Variants in SRF observed in about 807,000 individuals in gnomAD.
The protein encoded by SRF is serum response factor, also known as c-fos serum response element-binding transcription factor.
SRF carries 7 observed loss-of-function variants against 37.1 expected under a neutral mutation model. The ratio of observed to expected loss-of-function variants is 0.19; its 90% CI spans 0.11 to 0.35. The LOEUF is 0.35. Ranked by LOEUF, SRF falls within the 10% of genes least tolerant of loss-of-function variation. The probability of loss-of-function intolerance (pLI) is 1.00; values close to 1 mark genes in which losing one functional copy is unlikely to be tolerated. For synonymous variants in SRF, 285 were observed against 310.1 expected (o/e 0.92, Z 0.85); for missense variants, 395 against 694.4 (o/e 0.57, Z 4.85).
rs1159649314 is a variant in SRF, at chr6:43,180,422, CAGA to C, written c.*1238_*1240del. 6.6e-6 allele frequency: 1 copy of C among 152,596 alleles called. No homozygotes were observed. Among genetic ancestry groups the C allele is most frequent in the African/African-American group, 2.4e-5 (1 of 41,394 alleles). The allele number at this position is 152,596 out of a possible 1,614,324, so 9.5% of individuals were successfully genotyped here. ...GGGGGTGAGAGGCAGGAATGGGGGT[CAGA>C]AGAAGTGGGAGCAGCTTCTTGGGCT... On this transcript the variant is annotated 3_prime_UTR_variant, in exon 7 of 7. Transcript: ENST00000265354.
chr6:43,174,623 CTG>C (rs1379386228), intron 2 of SRF, among the ~76,000 whole-genome samples: 3 of 152,236 alleles, frequency 2.0e-5, no homozygotes, highest in African/African-American at 7.2e-5. Context: ...GATGCCTGCG[CTG>C]TTACTCCTCC....
In SRF at chr6:43,180,872, T is replaced by A. The variant is rs1772314930; in HGVS notation, c.*1682T>A. 1 of 152,294 alleles carries A rather than the reference T, an allele frequency of 6.6e-6. No individual in the cohort carries two copies. The highest frequency in any genetic ancestry group is 2.4e-5 in the African/African-American group (1 of 41,448). The allele number at this position is 152,294 out of a possible 1,614,324, so 9.4% of individuals were successfully genotyped here. On this transcript the variant is annotated 3_prime_UTR_variant, in exon 7 of 7. Coordinates refer to ENST00000265354, the MANE Select transcript of SRF (RefSeq NM_003131.4). The stretch of plus-strand genomic sequence containing the variant: ...CAAGGGGATGATTTGCCGACATGTT[T>A]GAGAACCCCCTAACCTCTAACCCTC...
intron 4 of SRF, among the ~76,000 whole-genome samples, chr6:43,177,228 G>GGTTTTTTTTTTT (rs1772214430): frequency 6.0e-5 from 7 of 116,810 alleles, no homozygotes; most frequent in African/African-American, 2.7e-4. Context: ...ATCGGAGTCT[G>GGTTTTTTTTTTT]TTTTTTTTTT....
rs1562000587 is a variant in SRF, at chr6:43,176,343, A to C, written c.1043-205A>C. ...AGAAAAGAGAGACAAGGCCCAGGGC[A>C]GGAGGAGGAGGGATGGGCAAGAGTA... On this transcript the variant is annotated intron_variant, in intron 3 of 6. Transcript: ENST00000265354. This position sits in a 1 kb window ranked among gnomAD's most constrained non-coding sequence, Gnocchi z 4.0. Among the ~76,000 whole-genome samples the C allele has an allele frequency of 6.6e-6, 1 of 152,206 alleles. No homozygotes were observed. Among genetic ancestry groups the C allele is most frequent in the Non-Finnish European group, 1.5e-5 (1 of 68,032 alleles).
Position 43,176,045 on chromosome 6 carries a change from A to AC in SRF, c.1042+80dup. The AC allele has an allele frequency of 1.3e-6, 2 of 1,541,500 alleles. No homozygotes were observed. The highest frequency in any genetic ancestry group is 2.4e-5 in the South Asian group (2 of 84,754). ...TGCTAAGAGTGTGTTTAGGGCTGGC[A>AC]CCAAGAGAACCTCTTTCCCTGCTCA... On this transcript the variant is annotated intron_variant, in intron 3 of 6. Coordinates refer to ENST00000265354, the MANE Select transcript of SRF (RefSeq NM_003131.4). The surrounding 1 kb of genome is among the most constrained non-coding windows in gnomAD (Gnocchi z 4.0).
In SRF at chr6:43,179,858, C is replaced by T. The variant is rs951160324; in HGVS notation, c.*668C>T. On this transcript the variant is annotated 3_prime_UTR_variant, in exon 7 of 7. Coordinates refer to ENST00000265354, the MANE Select transcript of SRF (RefSeq NM_003131.4). The surrounding 1 kb of genome is among the most constrained non-coding windows in gnomAD (Gnocchi z 5.3). ...TTCCCTTCTCCCCCTTGTCTTCCCC[C>T]CTCTCCTCCCAGCTGCTTTACTTAA... 3.3e-5 allele frequency: 5 copies of T among 152,766 alleles called. No homozygotes were observed. Among genetic ancestry groups the T allele is most frequent in the Admixed American group, 3.3e-4 (5 of 15,308 alleles). 9.5% of individuals were successfully genotyped at this position (152,766 alleles called of 1,614,324 possible).
intron 2 of SRF, 99 bp downstream of exon 2, chr6:43,174,212 G>C (rs1476853623): frequency 6.8e-7 from 1 of 1,465,438 alleles, no homozygotes; most frequent in African/African-American, 1.4e-5. Context: ...ATGTGGAGTG[G>C]AGCCGGATTA....
At position 43,172,232 on chromosome 6, in the gene SRF, C is replaced by CCCT. The variant is rs1258913675; in HGVS notation, c.513+65_513+66insTCC. ...TTGGGGTGGGGATGTGCAAAGGGAG[C>CCCT]CCGGGAGGACCGCAGAGCCGAGGCG... On this transcript the variant is annotated intron_variant, in intron 1 of 6. Transcript: ENST00000265354. This position sits in a 1 kb window ranked among gnomAD's most constrained non-coding sequence, Gnocchi z 5.7. The CCCT allele has an allele frequency of 6.4e-7, 1 of 1,557,694 alleles. No homozygotes were observed. Among genetic ancestry groups the CCCT allele is most frequent in the African/African-American group, 1.4e-5 (1 of 73,886 alleles).
At chr6:43,175,559 A>C in intron 2 of SRF, 147 bp from the exon 3 acceptor site, 1 of 1,017,158 alleles carries the variant, frequency 9.8e-7, no homozygotes, top group South Asian at 1.5e-5. Context: ...TCAATAACTT[A>C]CCTAAGAGTC....
In SRF at chr6:43,178,226, T is replaced by G. The variant is rs55645451; in HGVS notation, c.1163-68T>G. On this transcript the variant is annotated intron_variant, in intron 4 of 6. Coordinates refer to ENST00000265354, the MANE Select transcript of SRF (RefSeq NM_003131.4). The surrounding 1 kb of genome is among the most constrained non-coding windows in gnomAD (Gnocchi z 4.3). The stretch of plus-strand genomic sequence containing the variant: ...CAAGAGGGCTCTGGGGGCCTGGAAT[T>G]CCTAGGGACGGAATGGGAGTTATCA... 1.4e-6 allele frequency: 2 copies of G among 1,473,412 alleles called. No individual in the cohort carries two copies. The highest frequency in any genetic ancestry group is 4.8e-5 in the East Asian group (2 of 41,240). 91.3% of individuals were successfully genotyped at this position (1,473,412 alleles called of 1,614,324 possible).
chr6:43,172,698 G>A lies in SRF; in HGVS notation c.513+529G>A, dbSNP rs899531060. 6.6e-6 allele frequency among the ~76,000 whole-genome samples: 1 copy of A among 152,170 alleles called. No homozygotes were observed. Among genetic ancestry groups the A allele is most frequent in the Non-Finnish European group, 1.5e-5 (1 of 68,016 alleles). Reference sequence around the variant, plus strand: ...CAGGCAGGGTTAGGGACCAGGTAAGGGAGCGGGGCAGGAGAACTGGTGCTG... The same window carrying A: ...CAGGCAGGGTTAGGGACCAGGTAAGAGAGCGGGGCAGGAGAACTGGTGCTG... On this transcript the variant is annotated intron_variant, in intron 1 of 6. Coordinates refer to ENST00000265354, the MANE Select transcript of SRF (RefSeq NM_003131.4). This position sits in a 1 kb window ranked among gnomAD's most constrained non-coding sequence, Gnocchi z 5.7.
Position 43,176,593 on chromosome 6 carries a change from A to G in SRF, c.1088A>G (p.His363Arg), listed in dbSNP as rs1376721717. ...QQVPVQAIQV[H>R]QAPQQASPSR... Reference sequence around the variant, plus strand: ...GTCCCAGTGCAGGCCATTCAAGTGCACCAGGCCCCACAGCAAGCGTCTCCC... The same window carrying G: ...GTCCCAGTGCAGGCCATTCAAGTGCGCCAGGCCCCACAGCAAGCGTCTCCC... The change falls in exon 4 of 7, where the codon CAC (histidine) becomes CGC (arginine). Residue 363 changes from histidine (H) to arginine (R), a missense_variant. His to Arg is a conservative substitution (Grantham distance 29). Transcript: ENST00000265354. The surrounding 1 kb of genome is among the most constrained non-coding windows in gnomAD (Gnocchi z 4.0). The G allele has an allele frequency of 6.2e-7, 1 of 1,614,066 alleles. No homozygotes were observed. The highest frequency in any genetic ancestry group is 1.3e-5 in the African/African-American group (1 of 74,926).
rs1259381939 is a variant in SRF at position 43,175,936 on chromosome 6, G to A, written c.1011G>A (p.Met337Ile). ...GCCCTGTCTCCTCTGGGGGCCTTAT[G>A]CAGCTGCCTACCAGCTTCACCCTCA... ...GSGPVSSGGLMQLPTSFTLMP... is the reference protein window; with the variant it reads ...GSGPVSSGGLIQLPTSFTLMP... The change falls in exon 3 of 7, where the codon ATG becomes ATA. Residue 337 changes from methionine (M) to isoleucine (I), a missense_variant. Met to Ile is a conservative substitution (Grantham distance 10). Coordinates refer to ENST00000265354, the MANE Select transcript of SRF (RefSeq NM_003131.4). The A allele has an allele frequency of 6.2e-7, 1 of 1,613,758 alleles. No individual in the cohort carries two copies. The highest frequency in any genetic ancestry group is 8.5e-7 in the Non-Finnish European group (1 of 1,179,874).
At position 43,179,358 on chromosome 6, in the gene SRF, T is replaced by A; in HGVS notation, c.*168T>A. ...CTCACTCCAGCCAAAGAAATGGGCCTGCCTGCCTCCACCCGTCCTCCCTCA... is the reference window on the plus strand; with the variant it reads ...CTCACTCCAGCCAAAGAAATGGGCCAGCCTGCCTCCACCCGTCCTCCCTCA... On this transcript the variant is annotated 3_prime_UTR_variant, in exon 7 of 7. Transcript: ENST00000265354. This position sits in a 1 kb window ranked among gnomAD's most constrained non-coding sequence, Gnocchi z 5.3. 1.5e-6 allele frequency: 1 copy of A among 672,394 alleles called. No individual in the cohort carries two copies. Among genetic ancestry groups the A allele is most frequent in the Non-Finnish European group, 2.6e-6 (1 of 388,240 alleles). 41.7% of individuals were successfully genotyped at this position (672,394 alleles called of 1,614,324 possible).
Position 43,172,221 on chromosome 6 carries a change from T to C in SRF, c.513+52T>C. Reference sequence around the variant, plus strand: ...CCGGGGCCCGGTTGGGGTGGGGATGTGCAAAGGGAGCCCGGGAGGACCGCA... The same window carrying C: ...CCGGGGCCCGGTTGGGGTGGGGATGCGCAAAGGGAGCCCGGGAGGACCGCA... On this transcript the variant is annotated intron_variant, in intron 1 of 6. Transcript: ENST00000265354. The surrounding 1 kb of genome is among the most constrained non-coding windows in gnomAD (Gnocchi z 5.7). The C allele has an allele frequency of 6.3e-7, 1 of 1,575,208 alleles. No homozygotes were observed. Among genetic ancestry groups the C allele is most frequent in the Non-Finnish European group, 8.6e-7 (1 of 1,167,426 alleles).
intron 2 of SRF, among the ~76,000 whole-genome samples, chr6:43,174,353 C>A (rs1028569121): frequency 6.6e-6 from 1 of 152,232 alleles, no homozygotes; most frequent in Non-Finnish European, 1.5e-5. Context: ...CCGCCCGCAG[C>A]CCGCCTGCCT....
In SRF at chr6:43,178,190, C is replaced by G; in HGVS notation, c.1163-104C>G. On this transcript the variant is annotated intron_variant, in intron 4 of 6. Coordinates refer to ENST00000265354, the MANE Select transcript of SRF (RefSeq NM_003131.4). This position sits in a 1 kb window ranked among gnomAD's most constrained non-coding sequence, Gnocchi z 4.3. ...GGAATAGTCGTGTCTAGCTTCTGACCTGGGAAATGGCAAGAGGGCTCTGGG... is the reference window on the plus strand; with the variant it reads ...GGAATAGTCGTGTCTAGCTTCTGACGTGGGAAATGGCAAGAGGGCTCTGGG... The G allele has an allele frequency of 8.1e-7, 1 of 1,234,862 alleles. No homozygotes were observed. The highest frequency in any genetic ancestry group is 1.1e-6 in the Non-Finnish European group (1 of 913,536). 76.5% of individuals were successfully genotyped at this position (1,234,862 alleles called of 1,614,324 possible).
intron 4 of SRF, among the ~76,000 whole-genome samples, chr6:43,177,537 T>A (rs1582256290): frequency 6.6e-6 from 1 of 150,780 alleles, no homozygotes; most frequent in South Asian, 2.1e-4. Flanking sequence ...GCCCAGAGTC[T>A]GTGTTTTAAC....
chr6:43,173,607 G>C lies in SRF; in HGVS notation c.514-240G>C, dbSNP rs1202807114. Among the ~76,000 whole-genome samples, 2 of 152,084 alleles carry C rather than the reference G, an allele frequency of 1.3e-5. No individual in the cohort carries two copies. Among genetic ancestry groups the C allele is most frequent in the Non-Finnish European group, 2.9e-5 (2 of 68,018 alleles). On this transcript the variant is annotated intron_variant, in intron 1 of 6. Transcript: ENST00000265354. This position sits in a 1 kb window ranked among gnomAD's most constrained non-coding sequence, Gnocchi z 4.2. ...GAAGTTATATGTTCCATCACTGGGG[G>C]CTGTTACTGTTTGCTTGGGGTATCT...
Sources: allele counts gnomAD v4.1 joint callset (sites outside exome capture counted in the v4.1 genomes callset), GRCh38; gene constraint gnomAD v4.1.1; non-coding constraint Gnocchi (gnomAD v3.1); transcripts MANE v1.5; gene names NCBI Gene and HGNC (gene_info 2026-07-23, HGNC 2026-07-21).